The following C1R variants were observed in gnomAD, a reference collection of about 807,000 sequenced individuals.
The protein encoded by C1R is complement C1r subcomponent.
C1R carries 15 observed loss-of-function variants against 27.6 expected under a neutral mutation model. That is an observed-to-expected ratio of 0.54 (90% CI 0.36 to 0.84). C1R has a LOEUF of 0.84. C1R is among the 40% of genes least tolerant of loss of function. C1R has a pLI of 0.01. For missense variants in C1R, 544 were observed against 577.9 expected, an observed-to-expected ratio of 0.94 and a Z score of 0.60; for synonymous variants, 253 against 228.8, an observed-to-expected ratio of 1.11 and a Z score of -0.95.
chr12:7,089,642 G>A lies in C1R; in HGVS notation c.516C>T (p.Tyr172=). The change falls in exon 4 of 11, where the codon TAC becomes TAT. Residue 172 remains tyrosine (Y), a synonymous_variant. Transcript: ENST00000647956. ...QHLCHNYVGG[Y]FCSCRPGYEL... is the part of the protein sequence containing the mutation. Reference sequence around the variant, plus strand: ...CATAGCCTGGACGGCAGGAACAGAAGTAGCCTCCAACGTAGTTGTGACACA... The same window carrying A: ...CATAGCCTGGACGGCAGGAACAGAAATAGCCTCCAACGTAGTTGTGACACA... The A allele has an allele frequency of 1.3e-6, 1 of 780,952 alleles. No individual in the cohort carries two copies. The highest frequency in any genetic ancestry group is 2.4e-6 in the Non-Finnish European group (1 of 417,992). The allele number at this position is 780,952 out of a possible 1,614,324, so 48.4% of individuals were successfully genotyped here.
In C1R at chr12:7,090,142, A is replaced by G; in HGVS notation, c.338T>C (p.Leu113Pro). 1 of 775,828 alleles carries G rather than the reference A, an allele frequency of 1.3e-6. No individual in the cohort carries two copies. Among genetic ancestry groups the G allele is most frequent in the South Asian group, 1.4e-5 (1 of 73,312 alleles). The allele number at this position is 775,828 out of a possible 1,614,324, so 48.1% of individuals were successfully genotyped here. ...KEFMSQGNKM[L>P]LTFHTDFSNE... ...GGAGAAGTCTGTGTGGAAGGTCAGC[A>G]GCATCTTGTTCCCTTGGGACATAAA... is the stretch of plus-strand genomic sequence containing the variant. The change falls in exon 3 of 11, where the codon CTG becomes CCG. Residue 113 changes from leucine to proline, a missense_variant. This residue lies in a region of C1R where 291 missense variants were observed against 209.0 expected (regional missense o/e 1.39). Coordinates refer to ENST00000647956, the MANE Select transcript of C1R (RefSeq NM_001733.7).
At chr12:7,081,832 G>A (rs1317889128) in intron 10 of C1R, among the ~76,000 whole-genome samples, 200 bp downstream of exon 10, 2 of 152,144 alleles carry the variant, frequency 1.3e-5, no homozygotes. Flanking sequence ...GTCTCCCATT[G>A]TTTTTATTCC....
chr12:7,088,899 G>T lies in C1R; in HGVS notation c.856C>A (p.Leu286Met), dbSNP rs1442824663. ...TCCCCCGACTCATCTGTGAAGAACA[G>T]CAGATCCACAGCATTGCTGCTGGTG... ...LDTSSNAVDLLFFTDESGDSR... is the reference protein window; with the variant it reads ...LDTSSNAVDLMFFTDESGDSR... Residue 286 changes from leucine (L) to methionine (M), a missense_variant, in exon 6 of 11, where the codon CTG becomes ATG. Physicochemically the swap from Leu to Met is conservative, Grantham distance 15 (BLOSUM62 2). This residue lies in a region of C1R where 291 missense variants were observed against 209.0 expected (regional missense o/e 1.39). Coordinates refer to ENST00000647956, the MANE Select transcript of C1R (RefSeq NM_001733.7). The T allele has an allele frequency of 1.3e-6, 1 of 776,836 alleles. No individual in the cohort carries two copies. The highest frequency in any genetic ancestry group is 2.4e-5 in the East Asian group (1 of 41,164). The allele number at this position is 776,836 out of a possible 1,614,324, so 48.1% of individuals were successfully genotyped here.
intron 9 of C1R, among the ~76,000 whole-genome samples, chr12:7,084,727 G>C (rs1222249771): frequency 1.5e-4 from 22 of 149,398 alleles, no homozygotes; most frequent in African/African-American, 4.0e-4. Context: ...TGACGATGGT[G>C]TTGGTGGTGG....
chr12:7,087,255 C>T (rs1938170719), intron 7 of C1R: 1 of 152,408 alleles, frequency 6.6e-6, no homozygotes, highest in African/African-American at 2.4e-5. Context: ...ATTCCAGCAA[C>T]TCGGGTGGCT....
At position 7,088,847 on chromosome 12, in the gene C1R, G is replaced by A; in HGVS notation, c.908C>T (p.Thr303Ile). The A allele has an allele frequency of 1.3e-6, 1 of 773,762 alleles. No homozygotes were observed. Among genetic ancestry groups the A allele is most frequent in the Non-Finnish European group, 2.4e-6 (1 of 415,214 alleles). The allele number at this position is 773,762 out of a possible 1,614,324, so 47.9% of individuals were successfully genotyped here. A position where few individuals can be genotyped will look rare whatever the true frequency, so the allele number is the denominator to read the frequency against. Residue 303 changes from threonine (T) to isoleucine (I), a missense_variant, in exon 6 of 11, where the codon ACC (threonine) becomes ATC (isoleucine). Transcript: ENST00000647956. ...GDSRGWKLRYTTEIIKCPQPK... is the reference protein window; with the variant it reads ...GDSRGWKLRYITEIIKCPQPK... ...CCTGCAGGGAGCCTTACTCTCGGTG[G>A]TGTAGCGCAGCTTCCAGCCCCGGCT...
chr12:7,091,289 C>T lies in C1R; in HGVS notation c.231+163G>A. 1.6e-6 allele frequency: 1 copy of T among 622,248 alleles called. No homozygotes were observed. The highest frequency in any genetic ancestry group is 2.8e-6 in the Non-Finnish European group (1 of 352,552). 38.5% of individuals were successfully genotyped at this position (622,248 alleles called of 1,614,324 possible). On this transcript the variant is annotated intron_variant, in intron 2 of 10. Coordinates refer to ENST00000647956, the MANE Select transcript of C1R (RefSeq NM_001733.7). This position sits in a 1 kb window ranked among gnomAD's most constrained non-coding sequence, Gnocchi z 5.1. ...CCTCAGTGCTCACCGAGGGCCTCTACACCAGTGAGCGCCCATCCAGGGCAT... is the reference window on the plus strand; with the variant it reads ...CCTCAGTGCTCACCGAGGGCCTCTATACCAGTGAGCGCCCATCCAGGGCAT...
Position 7,090,150 on chromosome 12 carries a change from G to T in C1R, c.330C>A (p.Asn110Lys), listed in dbSNP as rs758237909. The change falls in exon 3 of 11, where the codon AAC (asparagine) becomes AAA (lysine). Residue 110 changes from asparagine (N) to lysine (K), a missense_variant. Around this residue, in one of 2 missense-constraint regions of C1R, gnomAD observed 291 missense variants for 209.0 expected, o/e 1.39. Coordinates refer to ENST00000647956, the MANE Select transcript of C1R (RefSeq NM_001733.7). Reference sequence around the variant, plus strand: ...CTGTGTGGAAGGTCAGCAGCATCTTGTTCCCTTGGGACATAAATTCCTTCT... The same window carrying T: ...CTGTGTGGAAGGTCAGCAGCATCTTTTTCCCTTGGGACATAAATTCCTTCT... ...PGKKEFMSQGNKMLLTFHTDF... is the reference protein window; with the variant it reads ...PGKKEFMSQGKKMLLTFHTDF... 2.6e-6 allele frequency: 2 copies of T among 773,680 alleles called. No homozygotes were observed. Among genetic ancestry groups the T allele is most frequent in the East Asian group, 4.9e-5 (2 of 41,064 alleles). The allele number at this position is 773,680 out of a possible 1,614,324, so 47.9% of individuals were successfully genotyped here.
In C1R at chr12:7,082,686, A is replaced by G. The variant is rs1049684965; in HGVS notation, c.1274-580T>C. Among the ~76,000 whole-genome samples the G allele has an allele frequency of 4.1e-3, 625 of 152,306 alleles. 6 individuals are homozygous for G. The highest frequency in any genetic ancestry group is 0.024 in the Middle Eastern group (7 of 294). On this transcript the variant is annotated intron_variant, in intron 9 of 10. Coordinates refer to ENST00000647956, the MANE Select transcript of C1R (RefSeq NM_001733.7). ...GTGATCCCTGCTTGTGAAAGTAGAC[A>G]TAAAAACCAGAAGGAATATATCAAA...
chr12:7,086,838 T>C lies in C1R; in HGVS notation c.1039-381A>G, dbSNP rs1938164074. 1.9e-5 allele frequency: 3 copies of C among 159,070 alleles called. No individual in the cohort carries two copies. The South Asian group carries it at 6.1e-4, about 33-fold the overall frequency. The allele number at this position is 159,070 out of a possible 1,614,324, so 9.9% of individuals were successfully genotyped here. On this transcript the variant is annotated intron_variant, in intron 7 of 10. Transcript: ENST00000647956. ...AAGCCTGTGCTCCAGGGCAGAACTG[T>C]GTTTCTCTTGCTGGTGTCCCCTGCC...
Position 7,085,988 on chromosome 12 carries a change from C to T in C1R, c.1146G>A (p.Leu382=), listed in dbSNP as rs1938151456. 2.5e-6 allele frequency: 1 copy of T among 398,524 alleles called. No individual in the cohort carries two copies. The highest frequency in any genetic ancestry group is 4.4e-6 in the Non-Finnish European group (1 of 226,112). 24.7% of individuals were successfully genotyped at this position (398,524 alleles called of 1,614,324 possible). The part of the protein sequence containing the change: ...KIKDCGQPRN[L]PNGDFRYTTT... ...TGGTGTAACGGAAGTCACCATTAGG[C>T]AGGTTTCGGGGCTGCCCACAGTCCT... is the stretch of plus-strand genomic sequence containing the variant. The change falls in exon 9 of 11, where the codon CTG becomes CTA. Residue 382 remains leucine (L), a synonymous_variant. Transcript: ENST00000647956.
Position 7,089,308 on chromosome 12 carries a change from G to A in C1R, c.753C>T (p.Pro251=), listed in dbSNP as rs1376957380. 1 of 780,436 alleles carries A rather than the reference G, an allele frequency of 1.3e-6. No individual in the cohort carries two copies. The highest frequency in any genetic ancestry group is 2.4e-6 in the Non-Finnish European group (1 of 417,894). The allele number at this position is 780,436 out of a possible 1,614,324, so 48.3% of individuals were successfully genotyped here. The change falls in exon 5 of 11, where the codon CCC becomes CCT. Residue 251 remains proline (P), a synonymous_variant. Coordinates refer to ENST00000647956, the MANE Select transcript of C1R (RefSeq NM_001733.7). ...ACGGCTGTACCTGTAGCTGGTCATA[G>A]GGGCAGTGTACTTGCTGGTGGTCAT... ...DIDDHQQVHC[P]YDQLQIYANG... is the part of the protein sequence containing the mutation.
At position 7,090,134 on chromosome 12, in the gene C1R, A is replaced by G. The variant is rs1938239779; in HGVS notation, c.346T>C (p.Phe116Leu). 7.7e-6 allele frequency: 6 copies of G among 776,762 alleles called. No individual in the cohort carries two copies. The East Asian group carries it at 1.5e-4, about 19-fold the overall frequency. 48.1% of individuals were successfully genotyped at this position (776,762 alleles called of 1,614,324 possible). Residue 116 changes from phenylalanine to leucine, a missense_variant, in exon 3 of 11, where the codon TTC (phenylalanine) becomes CTC (leucine). Transcript: ENST00000647956. The stretch of plus-strand genomic sequence containing the variant: ...TCCTCGTTGGAGAAGTCTGTGTGGA[A>G]GGTCAGCAGCATCTTGTTCCCTTGG... The part of the protein sequence containing the change: ...MSQGNKMLLT[F>L]HTDFSNEENG...
chr12:7,082,988 C>G (rs911508264), intron 9 of C1R, among the ~76,000 whole-genome samples: 13 of 152,244 alleles, frequency 8.5e-5, no homozygotes, highest in Non-Finnish European at 7.4e-5. Flanking sequence ...TTAATGAATA[C>G]CATTTATAAT....
In C1R at chr12:7,080,358, G is replaced by A; in HGVS notation, c.*174C>T. The A allele has an allele frequency of 7.4e-7, 1 of 1,343,812 alleles. No homozygotes were observed. The highest frequency in any genetic ancestry group is 2.4e-5 in the South Asian group (1 of 41,812). The allele number at this position is 1,343,812 out of a possible 1,614,324, so 83.2% of individuals were successfully genotyped here. ...CAGAAGAAAGAAAGGGGCCCTTTGGGTTGTTTCAGGTAAAGTACATCAATG... is the reference window on the plus strand; with the variant it reads ...CAGAAGAAAGAAAGGGGCCCTTTGGATTGTTTCAGGTAAAGTACATCAATG... On this transcript the variant is annotated 3_prime_UTR_variant, in exon 11 of 11. Coordinates refer to ENST00000647956, the MANE Select transcript of C1R (RefSeq NM_001733.7). This position sits in a 1 kb window ranked among gnomAD's most constrained non-coding sequence, Gnocchi z 4.9.
At chr12:7,086,565 C>A in intron 7 of C1R, 108 bp from the exon 8 acceptor site, 1 of 353,770 alleles carries the variant, frequency 2.8e-6, no homozygotes, top group Non-Finnish European at 4.9e-6. Flanking sequence ...TCTCTTGGCT[C>A]CCCCATGGAT....
chr12:7,088,806 T>G (rs756102570), intron 6 of C1R, 33 bp downstream of exon 6: 5 of 774,478 alleles, frequency 6.5e-6, no homozygotes, highest in Non-Finnish European at 1.2e-5. Flanking sequence ...TCCCCATTGC[T>G]GGCCATCGAG....
rs12426834 is a variant in C1R at position 7,092,366 on chromosome 12, T to G, written c.2+21A>C. 0.39 allele frequency: 302,938 copies of G among 779,394 alleles called. 60,358 individuals are homozygous for G. Among genetic ancestry groups the G allele is most frequent in the Admixed American group, 0.48 (28,497 of 58,800 alleles). The allele number at this position is 779,394 out of a possible 1,614,324, so 48.3% of individuals were successfully genotyped here. On this transcript the variant is annotated intron_variant, in intron 1 of 10. Coordinates refer to ENST00000647956, the MANE Select transcript of C1R (RefSeq NM_001733.7). The stretch of plus-strand genomic sequence containing the variant: ...CCCCTGGCTTCTCCCTCCCACCTGG[T>G]TGCCCATCACCCTTACTCACATTTC...
Position 7,091,980 on chromosome 12 carries a change from T to C in C1R, c.3-300A>G, listed in dbSNP as rs1257434739. 2 of 591,364 alleles carry C rather than the reference T, an allele frequency of 3.4e-6. No individual in the cohort carries two copies. The highest frequency in any genetic ancestry group is 6.2e-6 in the Non-Finnish European group (2 of 320,414). The allele number at this position is 591,364 out of a possible 1,614,324, so 36.6% of individuals were successfully genotyped here. On this transcript the variant is annotated intron_variant, in intron 1 of 10. Transcript: ENST00000647956. The surrounding 1 kb of genome is among the most constrained non-coding windows in gnomAD (Gnocchi z 5.1). ...CGTCCCTCCCCTCCCCTTCCAGGAA[T>C]AGGACTGGCTTGGGACCAGTTAATG...
Sources: allele counts gnomAD v4.1 joint callset (sites outside exome capture counted in the v4.1 genomes callset), GRCh38; gene constraint gnomAD v4.1.1; regional missense constraint gnomAD v4.1.1; non-coding constraint Gnocchi (gnomAD v3.1); transcripts MANE v1.5; gene names NCBI Gene and HGNC (gene_info 2026-07-23, HGNC 2026-07-21).